The following TMTC1 variants were observed in gnomAD, a reference collection of about 807,000 sequenced individuals.
The protein encoded by TMTC1 is transmembrane O-mannosyltransferase targeting cadherins 1, also known as protein O-mannosyl-transferase TMTC1.
In TMTC1, 73 loss-of-function variants were observed where a neutral mutation model predicts 104.8. The ratio of observed to expected loss-of-function variants is 0.70; its 90% confidence interval spans 0.58 to 0.85. The LOEUF is 0.85. Ranked by LOEUF, TMTC1 falls within the 40% of genes least tolerant of loss-of-function variation. The pLI is 0.00. For missense variants in TMTC1, 1,035 were observed against 1,096.1 expected (o/e 0.94, Z 0.79); for synonymous variants, 434 against 428.7 (o/e 1.01, Z -0.15).
intron 11 of TMTC1, chr12:29,533,930 C>T (rs2136195520): frequency 6.6e-6 from 1 of 152,220 alleles, no homozygotes; most frequent in East Asian, 1.9e-4. Flanking sequence ...TAGGAAAGAG[C>T]TTTTTGGCAT....
At chr12:29,553,137 G>A (rs1026967721) in intron 10 of TMTC1, among the ~76,000 whole-genome samples, 4 of 152,166 alleles carry the variant, frequency 2.6e-5, no homozygotes, top group Non-Finnish European at 5.9e-5. Flanking sequence ...ATTATGTAAT[G>A]TTTGGATTGG....
At chr12:29,549,553 A>C (rs1243681065) in intron 10 of TMTC1, among the ~76,000 whole-genome samples, 1 of 152,156 alleles carries the variant, frequency 6.6e-6, no homozygotes, top group Non-Finnish European at 1.5e-5. Flanking sequence ...TTTAAAAAAA[A>C]ACACACAAAC....
chr12:29,634,339 T>C (rs1484452816), intron 5 of TMTC1, among the ~76,000 whole-genome samples: 1 of 152,212 alleles, frequency 6.6e-6, no homozygotes, highest in East Asian at 1.9e-4. Context: ...ACAGAGCCTC[T>C]GCCTCCCAAT....
chr12:29,655,749 G>T (rs2136619974), intron 5 of TMTC1, among the ~76,000 whole-genome samples: 1 of 152,216 alleles, frequency 6.6e-6, no homozygotes. Flanking sequence ...AATCTCACAA[G>T]TCAAGTCCTT....
At chr12:29,683,935 C>T (rs1225628553) in intron 5 of TMTC1, among the ~76,000 whole-genome samples, 1 of 151,900 alleles carries the variant, frequency 6.6e-6, no homozygotes, top group Non-Finnish European at 1.5e-5. Flanking sequence ...CCTCCGTCTC[C>T]CAGGCTCAAG....
intron 6 of TMTC1, among the ~76,000 whole-genome samples, chr12:29,608,086 C>T (rs180878200): frequency 1.8e-4 from 27 of 152,138 alleles, no homozygotes; most frequent in Non-Finnish European, 4.0e-4. Flanking sequence ...TTTCCTCATC[C>T]CCATTCAGTC....
chr12:29,668,454 C>CTTTTTTTTTTTTTTTTTT lies in TMTC1; in HGVS notation c.939-35136_939-35119dup, dbSNP rs66652706. Among the ~76,000 whole-genome samples, 40 of 90,092 alleles carry CTTTTTTTTTTTTTTTTTT rather than the reference C, an allele frequency of 4.4e-4. 2 individuals carry two copies. The highest frequency in any genetic ancestry group is 7.1e-4 in the Admixed American group (5 of 7,004). 59.1% of individuals were successfully genotyped at this position (90,092 alleles called of 152,430 possible). On this transcript the variant is annotated intron_variant, in intron 5 of 17. Transcript: ENST00000539277. Reference sequence around the variant, plus strand: ...CCACATTCAAACCATACCAACTTATCTTTTTTTTTTTTTTTTTTTTTTTTG... The same window carrying CTTTTTTTTTTTTTTTTTT: ...CCACATTCAAACCATACCAACTTATCTTTTTTTTTTTTTTTTTTTTTTTTTTTTTTTTTTTTTTTTTTG...
intron 11 of TMTC1, among the ~76,000 whole-genome samples, chr12:29,524,564 T>C (rs1944281419): frequency 6.6e-6 from 1 of 152,212 alleles, no homozygotes; most frequent in African/African-American, 2.4e-5. Context: ...TGAATTGTAA[T>C]CATTATCTCC....
intron 5 of TMTC1, among the ~76,000 whole-genome samples, chr12:29,684,587 CTTTT>C (rs1396283871): frequency 6.6e-6 from 1 of 152,036 alleles, no homozygotes; most frequent in Non-Finnish European, 1.5e-5. Context: ...CTTTTTATTT[CTTTT>C]TATTTCTATT....
chr12:29,608,415 A>G (rs1378800893), intron 6 of TMTC1, among the ~76,000 whole-genome samples: 2 of 152,222 alleles, frequency 1.3e-5, no homozygotes, highest in Non-Finnish European at 2.9e-5. Flanking sequence ...GAACGAATGG[A>G]AATTCACTTA....
At chr12:29,644,141 GTGTGTGTGTA>G (rs1326130016) in intron 5 of TMTC1, among the ~76,000 whole-genome samples, 5,539 of 104,606 alleles carry the variant, frequency 0.053, 311 homozygotes, top group Non-Finnish European at 0.068. Context: ...GTGTGTGTGT[GTGTGTGTGTA>G]TATATATATA....
intron 5 of TMTC1, among the ~76,000 whole-genome samples, chr12:29,654,390 C>A (rs984185032): frequency 6.6e-6 from 1 of 151,992 alleles, no homozygotes; most frequent in Non-Finnish European, 1.5e-5. Context: ...ACATCAAAAC[C>A]ACAATAACAT....
intron 5 of TMTC1, among the ~76,000 whole-genome samples, chr12:29,690,719 G>T (rs548808964): frequency 6.6e-6 from 1 of 152,200 alleles, no homozygotes; most frequent in East Asian, 1.9e-4. Context: ...TATTCTTTGT[G>T]TTTCACAAAA....
At position 29,715,380 on chromosome 12, in the gene TMTC1, C is replaced by T. The variant is rs150809458; in HGVS notation, c.938+36286G>A. On this transcript the variant is annotated intron_variant, in intron 5 of 17. Transcript: ENST00000539277. The stretch of plus-strand genomic sequence containing the variant: ...GTATATAAATGAAAAAGTGTGACAG[C>T]CATGATGGAACTCAGATTCACTCCA... Among the ~76,000 whole-genome samples, 562 of 152,200 alleles carry T rather than the reference C, an allele frequency of 3.7e-3. 2 individuals are homozygous for T. Among genetic ancestry groups the T allele is most frequent in the African/African-American group, 0.012 (514 of 41,524 alleles).
chr12:29,653,429 C>T (rs1307753749), intron 5 of TMTC1, among the ~76,000 whole-genome samples: 1 of 152,096 alleles, frequency 6.6e-6, no homozygotes, highest in Non-Finnish European at 1.5e-5. Context: ...CAGTCATCAG[C>T]AATCATGACT....
chr12:29,759,810 C>T (rs921501748), intron 2 of TMTC1, among the ~76,000 whole-genome samples: 6 of 151,794 alleles, frequency 4.0e-5, no homozygotes, highest in African/African-American at 1.5e-4. Context: ...TCATAGAAGC[C>T]AGGACAATGG....
In TMTC1 at chr12:29,783,358, GC is replaced by G. The variant is rs1366100624; in HGVS notation, c.302+91del. 3.5e-6 allele frequency: 4 copies of G among 1,142,074 alleles called. No individual in the cohort carries two copies. Among genetic ancestry groups the G allele is most frequent in the Admixed American group, 4.2e-5 (1 of 23,716 alleles). 70.7% of individuals were successfully genotyped at this position (1,142,074 alleles called of 1,614,324 possible). A position where few individuals can be genotyped will look rare whatever the true frequency, so the allele number is the denominator to read the frequency against. ...AGGGAAAGGGCGGCAAAAATGAAAT[GC>G]CCCCAAGTCAGTCCCGCAACTTCTC... On this transcript the variant is annotated intron_variant, in intron 1 of 17. Transcript: ENST00000539277. The surrounding 1 kb of genome is among the most constrained non-coding windows in gnomAD (Gnocchi z 4.7).
chr12:29,734,152 C>T (rs1942612686), intron 5 of TMTC1, among the ~76,000 whole-genome samples: 1 of 152,164 alleles, frequency 6.6e-6, no homozygotes. Context: ...CAAAAGGTAT[C>T]TACTTAAACT....
chr12:29,516,663 C>A (rs1247471495), intron 14 of TMTC1, among the ~76,000 whole-genome samples, 177 bp from the exon 15 acceptor site: 2 of 152,104 alleles, frequency 1.3e-5, no homozygotes, highest in Non-Finnish European at 2.9e-5. Flanking sequence ...CTGTTTGTTT[C>A]TTTATTTAGT....
Sources: gnomAD v4.1 joint callset for allele counts (sites outside exome capture counted in the v4.1 genomes callset) on GRCh38, gnomAD v4.1.1 for gene constraint, Gnocchi (gnomAD v3.1) non-coding constraint, MANE v1.5 for transcripts, NCBI Gene and HGNC (gene_info 2026-07-23, HGNC 2026-07-21) for gene names.